MAPK4: variants seen among roughly 807,000 people sequenced by gnomAD.
MAPK4 encodes Erk3-related.
Under a neutral mutation model 47.7 loss-of-function variants are expected in MAPK4, and 22 were observed. The observed-to-expected ratio is 0.46, with a 90% confidence interval of 0.33 to 0.66. The LOEUF (loss-of-function observed/expected upper bound fraction) is 0.66, where lower values mean the gene tolerates loss of function less well. Ranked by LOEUF, MAPK4 falls within the 30% of genes least tolerant of loss-of-function variation. The probability of loss-of-function intolerance (pLI) is 0.02; values close to 1 mark genes in which losing one functional copy is unlikely to be tolerated. For synonymous variants in MAPK4, 390 were observed against 365.7 expected (o/e 1.07, Z -0.76); for missense variants, 736 against 831.7 (o/e 0.88, Z 1.42).
chr18:50,729,086 A>G, intron 5 of MAPK4, 72 bp from the exon 6 acceptor site: 1 of 1,321,652 alleles, frequency 7.6e-7, no homozygotes, highest in Non-Finnish European at 1.0e-6. Context: ...AACAGGGATT[A>G]GAGGGCTTGG....
intron 1 of MAPK4, among the ~76,000 whole-genome samples, chr18:50,585,571 C>T (rs1370480): frequency 0.23 from 34,493 of 152,008 alleles, 3,930 homozygotes; most frequent in South Asian, 0.31. Flanking sequence ...TGAGTATGAC[C>T]TTGCCTATGT....
intron 3 of MAPK4, among the ~76,000 whole-genome samples, chr18:50,716,809 G>A (rs182907896): frequency 1.4e-3 from 214 of 152,120 alleles, no homozygotes; most frequent in African/African-American, 3.9e-3. Context: ...CTCCTCAGGG[G>A]CACCGTCTCC....
intron 2 of MAPK4, among the ~76,000 whole-genome samples, chr18:50,708,651 T>G (rs1418062949): frequency 6.6e-6 from 1 of 152,202 alleles, no homozygotes. Flanking sequence ...CGAGACTGTC[T>G]GTTCTGTGCT....
intron 1 of MAPK4, among the ~76,000 whole-genome samples, chr18:50,655,241 G>A (rs2043096132): frequency 6.6e-6 from 1 of 152,154 alleles, no homozygotes; most frequent in Non-Finnish European, 1.5e-5. Flanking sequence ...CTCACCTGAG[G>A]CCCATCATGG....
intron 1 of MAPK4, among the ~76,000 whole-genome samples, chr18:50,617,413 G>A (rs1320441030): frequency 1.3e-5 from 2 of 152,106 alleles, no homozygotes; most frequent in Non-Finnish European, 2.9e-5. Context: ...TTCTTACCAG[G>A]AAGGAAGAAG....
rs576498370 is a variant in MAPK4, at chr18:50,609,329, C to T, written c.-871+49086C>T. On this transcript the variant is annotated intron_variant, in intron 1 of 5. Transcript: ENST00000400384. Reference sequence around the variant, plus strand: ...GGCGCCCCCCACCTCCCGGGCGGGGCGGCGGCCGGGCGGAGGCGCCCCCCA... The same window carrying T: ...GGCGCCCCCCACCTCCCGGGCGGGGTGGCGGCCGGGCGGAGGCGCCCCCCA... Among the ~76,000 whole-genome samples the T allele has an allele frequency of 2.5e-3, 384 of 151,074 alleles. 7 individuals carry two copies. Among genetic ancestry groups the T allele is most frequent in the East Asian group, 2.0e-3 (10 of 5,094 alleles).
chr18:50,640,166 C>T (rs2042926054), intron 1 of MAPK4, among the ~76,000 whole-genome samples: 1 of 152,214 alleles, frequency 6.6e-6, no homozygotes, highest in Admixed American at 6.5e-5. Context: ...AAAACAACCA[C>T]ACTAGCAGTA....
At chr18:50,685,050 C>A (rs2144328090) in intron 2 of MAPK4, among the ~76,000 whole-genome samples, 1 of 152,290 alleles carries the variant, frequency 6.6e-6, no homozygotes, top group South Asian at 2.1e-4. Context: ...ATGTTCCATG[C>A]CCACCAGAAA....
chr18:50,673,084 C>T (rs1908051424), intron 2 of MAPK4, among the ~76,000 whole-genome samples: 1 of 152,096 alleles, frequency 6.6e-6, no homozygotes, highest in Non-Finnish European at 1.5e-5. Context: ...CAAGACCAGC[C>T]TGGCCAACAT....
intron 1 of MAPK4, among the ~76,000 whole-genome samples, chr18:50,589,294 A>G (rs1016750622): frequency 3.3e-5 from 5 of 152,178 alleles, no homozygotes; most frequent in African/African-American, 1.2e-4. Context: ...AATGACCAAA[A>G]AATTAGCCCA....
chr18:50,615,708 T>C (rs1181465417), intron 1 of MAPK4, among the ~76,000 whole-genome samples: 1 of 152,254 alleles, frequency 6.6e-6, no homozygotes, highest in Non-Finnish European at 1.5e-5. Flanking sequence ...GTGTATTTTT[T>C]AAATATAAAT....
chr18:50,706,367 T>TA lies in MAPK4; in HGVS notation c.547-8705dup, dbSNP rs376847838. On this transcript the variant is annotated intron_variant, in intron 2 of 5. Transcript: ENST00000400384. ...CACCTTGGAGTCACCTGGGGAGCTG[T>TA]AAAAAAATCACTGATGCCTGGTTCC... 7.0e-4 allele frequency among the ~76,000 whole-genome samples: 106 copies of TA among 151,912 alleles called. 1 individual carries two copies. The highest frequency in any genetic ancestry group is 5.8e-3 in the South Asian group (28 of 4,810).
At chr18:50,725,832 A>C (rs1911160352) in intron 4 of MAPK4, 130 bp from the exon 5 acceptor site, 4 of 781,928 alleles carry the variant, frequency 5.1e-6, no homozygotes, top group Non-Finnish European at 8.7e-6. Flanking sequence ...TGAGAAAGAA[A>C]ATGGCTAAAA....
At chr18:50,602,495 T>C (rs2042549293) in intron 1 of MAPK4, among the ~76,000 whole-genome samples, 1 of 152,206 alleles carries the variant, frequency 6.6e-6, no homozygotes. Flanking sequence ...TGTGATACTT[T>C]ACTTTAAAAT....
chr18:50,625,671 C>A (rs1443748114), intron 1 of MAPK4, among the ~76,000 whole-genome samples: 5 of 152,072 alleles, frequency 3.3e-5, no homozygotes, highest in Admixed American at 6.5e-5. Flanking sequence ...AGCACATGCC[C>A]ATACCAAAGC....
At chr18:50,632,869 C>T (rs1042579786) in intron 1 of MAPK4, among the ~76,000 whole-genome samples, 1 of 152,228 alleles carries the variant, frequency 6.6e-6, no homozygotes, top group Non-Finnish European at 1.5e-5. Flanking sequence ...ATCCACCTGC[C>T]TTGGCCTCTC....
chr18:50,702,055 GA>G (rs1299398657), intron 2 of MAPK4, among the ~76,000 whole-genome samples: 1 of 149,302 alleles, frequency 6.7e-6, no homozygotes, highest in African/African-American at 2.5e-5. Flanking sequence ...CCAGCTACCA[GA>G]AAGGCTGAGG....
At chr18:50,685,759 C>G (rs146558963) in intron 2 of MAPK4, among the ~76,000 whole-genome samples, 1 of 152,294 alleles carries the variant, frequency 6.6e-6, no homozygotes, top group East Asian at 1.9e-4. Flanking sequence ...TACTTCACAC[C>G]TTCCGACGGT....
intron 1 of MAPK4, among the ~76,000 whole-genome samples, chr18:50,637,207 T>C (rs751169588): frequency 1.3e-4 from 20 of 152,216 alleles, no homozygotes; most frequent in African/African-American, 4.8e-4. Flanking sequence ...ATAATAATCA[T>C]GGCATTAATA....
Sources: gnomAD v4.1 joint callset for allele counts (sites outside exome capture counted in the v4.1 genomes callset) on GRCh38, gnomAD v4.1.1 for gene constraint, MANE v1.5 for transcripts, NCBI Gene and HGNC (gene_info 2026-07-23, HGNC 2026-07-21) for gene names.